Variants in AMBRA1 observed in about 807,000 individuals in gnomAD.
AMBRA1 encodes autophagy and beclin 1 regulator 1.
Under a neutral mutation model 125.4 loss-of-function variants are expected in AMBRA1, and 47 were observed. That is an observed-to-expected ratio of 0.37 (90% CI 0.30 to 0.48). The LOEUF is 0.48. AMBRA1 is among the 20% of genes least tolerant of loss of function. The pLI, the probability that AMBRA1 is intolerant of heterozygous loss-of-function variation, is 0.99. For missense variants in AMBRA1, 1,331 were observed against 1,693.4 expected (o/e 0.79, Z 3.76); for synonymous variants, 626 against 655.5 (o/e 0.95, Z 0.69).
chr11:46,557,636 G>A (rs914045857), intron 1 of AMBRA1, among the ~76,000 whole-genome samples: 1 of 151,966 alleles, frequency 6.6e-6, no homozygotes. Context: ...TGAGACCCCT[G>A]TCTCTACAAA....
Position 46,548,496 on chromosome 11 carries a change from G to T in AMBRA1, c.-116C>A. The T allele has an allele frequency of 7.7e-7, 1 of 1,291,204 alleles. No individual in the cohort carries two copies. Among genetic ancestry groups the T allele is most frequent in the Non-Finnish European group, 1.1e-6 (1 of 950,876 alleles). 80.0% of individuals were successfully genotyped at this position (1,291,204 alleles called of 1,614,324 possible). A position where few individuals can be genotyped will look rare whatever the true frequency, so the allele number is the denominator to read the frequency against. ...CAGGTCCTTGTAAGTTGTCCTCATG[G>T]AAATCTTAAGGAACAAAGAATAATG... On this transcript the variant is annotated 5_prime_UTR_variant, in exon 2 of 18. Transcript: ENST00000683756.
chr11:46,545,897 T>A (rs1483373592), intron 4 of AMBRA1, 121 bp from the exon 5 acceptor site: 11 of 852,636 alleles, frequency 1.3e-5, no homozygotes, highest in Non-Finnish European at 1.8e-5. Flanking sequence ...TTTAAATACA[T>A]CCTCTGTAAA....
intron 5 of AMBRA1, among the ~76,000 whole-genome samples, chr11:46,545,170 G>T (rs1234038635): frequency 6.3e-5 from 9 of 142,520 alleles, no homozygotes; most frequent in Non-Finnish European, 9.2e-5. Context: ...CCGGGGGGGG[G>T]GGGGTGGTGG....
intron 14 of AMBRA1, among the ~76,000 whole-genome samples, chr11:46,422,942 T>C (rs952755139): frequency 2.6e-5 from 4 of 152,014 alleles, no homozygotes; most frequent in African/African-American, 9.7e-5. Flanking sequence ...TGGAAAAAGG[T>C]GCAAGGTGCA....
intron 11 of AMBRA1, among the ~76,000 whole-genome samples, chr11:46,455,939 A>G (rs900550557): frequency 2.0e-5 from 3 of 152,178 alleles, no homozygotes; most frequent in African/African-American, 7.2e-5. Context: ...TGGGTAGAGA[A>G]AGAGGGTGAG....
At chr11:46,400,145 C>T (rs1043471959) in intron 17 of AMBRA1, among the ~76,000 whole-genome samples, 7 of 152,072 alleles carry the variant, frequency 4.6e-5, no homozygotes, top group Admixed American at 2.0e-4. Flanking sequence ...AGGCCAAGAC[C>T]GTGGGCAACT....
chr11:46,532,807 T>A (rs535977674), intron 7 of AMBRA1, among the ~76,000 whole-genome samples: 12 of 152,248 alleles, frequency 7.9e-5, no homozygotes, highest in Non-Finnish European at 1.8e-4. Context: ...AAATACTTTA[T>A]ATATCTTACA....
chr11:46,409,568 G>A (rs759191810), intron 16 of AMBRA1, among the ~76,000 whole-genome samples: 1 of 152,206 alleles, frequency 6.6e-6, no homozygotes, highest in Non-Finnish European at 1.5e-5. Flanking sequence ...ACCCTTGCAG[G>A]TAGGGAGCAC....
chr11:46,531,451 T>C (rs546359945), intron 7 of AMBRA1, among the ~76,000 whole-genome samples: 19 of 152,186 alleles, frequency 1.2e-4, no homozygotes, highest in Admixed American at 1.2e-3. Flanking sequence ...GGCTCACGCC[T>C]GTAATCCCAG....
chr11:46,451,313 C>T (rs940199692), intron 11 of AMBRA1, among the ~76,000 whole-genome samples: 2 of 152,146 alleles, frequency 1.3e-5, no homozygotes, highest in Non-Finnish European at 2.9e-5. Flanking sequence ...GGCCAGAGCT[C>T]CCAGAATGTG....
At chr11:46,559,590 A>G (rs2043264924) in intron 1 of AMBRA1, among the ~76,000 whole-genome samples, 1 of 152,228 alleles carries the variant, frequency 6.6e-6, no homozygotes, top group Admixed American at 6.5e-5. Context: ...AATATGGGAT[A>G]TTACACCTTT....
intron 7 of AMBRA1, 64 bp downstream of exon 7, chr11:46,541,881 G>A: frequency 6.3e-7 from 1 of 1,579,878 alleles, no homozygotes; most frequent in Non-Finnish European, 8.6e-7. Context: ...ACATCTATAG[G>A]ACTCAAGGAA....
chr11:46,452,070 G>A (rs1948627290), intron 11 of AMBRA1, among the ~76,000 whole-genome samples: 1 of 151,774 alleles, frequency 6.6e-6, no homozygotes, highest in Non-Finnish European at 1.5e-5. Context: ...AAAAGCCATT[G>A]AAATGTATAC....
rs530998345 is a variant in AMBRA1 at position 46,442,761 on chromosome 11, T to C, written c.2632+727A>G. On this transcript the variant is annotated intron_variant, in intron 12 of 17. Transcript: ENST00000683756. ...CAGGAAATGCCACAGACATAGAATA[T>C]CTTAATTATTTTAAGGCAACTGGCA... Among the ~76,000 whole-genome samples the C allele has an allele frequency of 3.3e-5, 5 of 152,252 alleles. No individual in the cohort carries two copies. The South Asian group carries it at 6.2e-4, about 19-fold the overall frequency.
Position 46,400,473 on chromosome 11 carries a change from G to GTTTTT in AMBRA1, c.3404-2535_3404-2531dup, listed in dbSNP as rs553040136. Among the ~76,000 whole-genome samples the GTTTTT allele has an allele frequency of 7.0e-4, 34 of 48,892 alleles. 12 individuals are homozygous for GTTTTT. The highest frequency in any genetic ancestry group is 7.5e-4 in the Non-Finnish European group (18 of 24,034). The allele number at this position is 48,892 out of a possible 152,430, so 32.1% of individuals were successfully genotyped here. On this transcript the variant is annotated intron_variant, in intron 17 of 17. Coordinates refer to ENST00000683756, the MANE Select transcript of AMBRA1 (RefSeq NM_001387011.1). ...CCTCATGCTTCTAGTTCTTTCTATA[G>GTTTTT]TTTTTTTTTTTTTTTTTTTTTTTTT...
chr11:46,485,327 C>T (rs1475918238), intron 11 of AMBRA1, among the ~76,000 whole-genome samples: 3 of 152,238 alleles, frequency 2.0e-5, no homozygotes, highest in African/African-American at 2.4e-5. Flanking sequence ...CAGTGCCCCA[C>T]TTACTCACGC....
At chr11:46,502,297 C>T (rs1166102962) in intron 9 of AMBRA1, among the ~76,000 whole-genome samples, 2 of 152,242 alleles carry the variant, frequency 1.3e-5, no homozygotes, top group East Asian at 3.9e-4. Context: ...ATGTAGATGG[C>T]TGGCTGATTC....
rs1019887244 is a variant in AMBRA1, at chr11:46,443,587, C to T, written c.2533G>A (p.Gly845Ser). The T allele has an allele frequency of 8.7e-6, 14 of 1,613,760 alleles. No individual in the cohort carries two copies. The highest frequency in any genetic ancestry group is 1.7e-5 in the Admixed American group (1 of 60,008). The stretch of plus-strand genomic sequence containing the variant: ...CTGGCCACAGCAGACTGTCCATCAC[C>T]GATCACTGCCCCTTATGAGGAAGAA... Reference protein sequence around the residue: ...VNRVLAGAVIGDGQSAVASNI... With the variant: ...VNRVLAGAVISDGQSAVASNI... Residue 845 changes from glycine to serine, a missense_variant, in exon 12 of 18, where the codon GGT becomes AGT. Gly to Ser is a moderately conservative substitution (Grantham distance 56). Coordinates refer to ENST00000683756, the MANE Select transcript of AMBRA1 (RefSeq NM_001387011.1).
intron 17 of AMBRA1, among the ~76,000 whole-genome samples, chr11:46,406,561 C>T (rs1946032451): frequency 6.6e-6 from 1 of 151,728 alleles, no homozygotes; most frequent in African/African-American, 2.4e-5. Context: ...GCTATTTGCA[C>T]ATACATATAT....
Sources: gnomAD v4.1 joint callset for allele counts (sites outside exome capture counted in the v4.1 genomes callset) on GRCh38, gnomAD v4.1.1 for gene constraint, MANE v1.5 for transcripts, NCBI Gene and HGNC (gene_info 2026-07-23, HGNC 2026-07-21) for gene names.